Variants in CPLX4 observed in about 807,000 individuals in gnomAD.
CPLX4 encodes complexin-4.
CPLX4 carries 17 observed loss-of-function variants against 16.1 expected under a neutral mutation model. The ratio of observed to expected loss-of-function variants is 1.06; its 90% CI spans 0.72 to 1.59. CPLX4 has a LOEUF of 1.59. Ranked by LOEUF, CPLX4 falls within the 40% of genes most tolerant of loss-of-function variation. CPLX4 has a pLI of 0.00. For synonymous variants in CPLX4, 55 were observed against 57.8 expected, an observed-to-expected ratio of 0.95 and a Z score of 0.22; for missense variants, 193 against 192.9, an observed-to-expected ratio of 1.00 and a Z score of 0.00.
chr18:59,303,670 A>C (rs930946370), intron 2 of CPLX4, among the ~76,000 whole-genome samples: 1 of 152,142 alleles, frequency 6.6e-6, no homozygotes, highest in African/African-American at 2.4e-5. Context: ...AGGCGAAGTG[A>C]TATCTACCTA....
intron 2 of CPLX4, among the ~76,000 whole-genome samples, chr18:59,303,565 G>A (rs373552637): frequency 1.3e-5 from 2 of 152,128 alleles, no homozygotes; most frequent in Non-Finnish European, 2.9e-5. Context: ...TTGTGGGCTC[G>A]GATTGTCTCA....
intron 2 of CPLX4, among the ~76,000 whole-genome samples, chr18:59,311,760 G>A (rs2070618380): frequency 6.6e-6 from 1 of 152,128 alleles, no homozygotes; most frequent in African/African-American, 2.4e-5. Flanking sequence ...GCAAAGTGAT[G>A]GGCCCTCTGT....
Position 59,296,581 on chromosome 18 carries a change from C to T in CPLX4, c.*117G>A. 1 of 1,038,572 alleles carries T rather than the reference C, an allele frequency of 9.6e-7. No homozygotes were observed. The highest frequency in any genetic ancestry group is 1.4e-6 in the Non-Finnish European group (1 of 701,526). 64.3% of individuals were successfully genotyped at this position (1,038,572 alleles called of 1,614,324 possible). On this transcript the variant is annotated 3_prime_UTR_variant, in exon 3 of 3. Transcript: ENST00000299721. ...ACCAAATTATTGTCTGTCAATGGAT[C>T]ATCGTGGTTTTCCTAACTGTGTTCA...
intron 1 of CPLX4, among the ~76,000 whole-genome samples, chr18:59,313,725 T>C (rs1015178698): frequency 6.6e-6 from 1 of 152,222 alleles, no homozygotes; most frequent in Non-Finnish European, 1.5e-5. Context: ...TTGGTAGCCA[T>C]TGGCTGTCAT....
intron 1 of CPLX4, among the ~76,000 whole-genome samples, chr18:59,318,088 A>G (rs932460902): frequency 2.0e-5 from 3 of 152,138 alleles, no homozygotes; most frequent in African/African-American, 7.2e-5. Flanking sequence ...GTTCATTTCC[A>G]TTCATACATG....
chr18:59,314,541 C>A (rs565715506), intron 1 of CPLX4, among the ~76,000 whole-genome samples: 3 of 152,276 alleles, frequency 2.0e-5, no homozygotes, highest in East Asian at 1.9e-4. Flanking sequence ...AATGCACAAA[C>A]CTCTGAAGCA....
At chr18:59,312,310 G>A (rs1175408949) in intron 2 of CPLX4, among the ~76,000 whole-genome samples, 4 of 151,718 alleles carry the variant, frequency 2.6e-5, no homozygotes, top group African/African-American at 9.7e-5. Context: ...TAGAGGTTAA[G>A]TTAAAAACTG....
At chr18:59,305,951 G>C (rs2070574332) in intron 2 of CPLX4, among the ~76,000 whole-genome samples, 1 of 152,170 alleles carries the variant, frequency 6.6e-6, no homozygotes, top group Non-Finnish European at 1.5e-5. Context: ...AAGCTGAGGA[G>C]AGAGAGGGCT....
In CPLX4 at chr18:59,296,774, T is replaced by C. The variant is rs994537668; in HGVS notation, c.407A>G (p.Asp136Gly). 1.2e-6 allele frequency: 2 copies of C among 1,613,764 alleles called. No homozygotes were observed. The highest frequency in any genetic ancestry group is 1.7e-5 in the Admixed American group (1 of 59,972). Residue 136 changes from aspartate to glycine, a missense_variant, in exon 3 of 3, where the codon GAT (aspartate) becomes GGT (glycine). Coordinates refer to ENST00000299721, the MANE Select transcript of CPLX4 (RefSeq NM_181654.4). Reference sequence around the variant, plus strand: ...GGCCTGGGCTTTTTCTTTTATGGTATCCAAGTCCATGTTCTGGAGATTCTG... The same window carrying C: ...GGCCTGGGCTTTTTCTTTTATGGTACCCAAGTCCATGTTCTGGAGATTCTG... ...QIQNLQNMDL[D>G]TIKEKAQATF...
At position 59,296,594 on chromosome 18, in the gene CPLX4, C is replaced by G. The variant is rs770930522; in HGVS notation, c.*104G>C. On this transcript the variant is annotated 3_prime_UTR_variant, in exon 3 of 3. Transcript: ENST00000299721. ...CTGTCAATGGATCATCGTGGTTTTC[C>G]TAACTGTGTTCACTACATTAAAACA... 3.9e-6 allele frequency: 5 copies of G among 1,269,368 alleles called. No homozygotes were observed. The highest frequency in any genetic ancestry group is 2.7e-5 in the South Asian group (2 of 73,068). 78.6% of individuals were successfully genotyped at this position (1,269,368 alleles called of 1,614,324 possible).
In CPLX4 at chr18:59,318,615, A is replaced by G. The variant is rs923420757; in HGVS notation, c.-153T>C. ...CACAACCTCATCTATTCAAGGGCAT[A>G]CTGATAGAGAAGAGTGGTTTGTCGG... On this transcript the variant is annotated 5_prime_UTR_variant, in exon 1 of 3. Transcript: ENST00000299721. 5.2e-6 allele frequency: 7 copies of G among 1,342,508 alleles called. No individual in the cohort carries two copies. Among genetic ancestry groups the G allele is most frequent in the Non-Finnish European group, 6.8e-6 (7 of 1,024,018 alleles). 83.2% of individuals were successfully genotyped at this position (1,342,508 alleles called of 1,614,324 possible).
At chr18:59,301,854 T>G (rs557236740) in intron 2 of CPLX4, among the ~76,000 whole-genome samples, 4 of 152,366 alleles carry the variant, frequency 2.6e-5, no homozygotes, top group Admixed American at 2.6e-4. Context: ...ATGTTTCTGA[T>G]GTCCAATGGA....
chr18:59,313,894 T>C (rs2070634918), intron 1 of CPLX4, among the ~76,000 whole-genome samples: 2 of 152,236 alleles, frequency 1.3e-5, no homozygotes, highest in Non-Finnish European at 1.5e-5. Flanking sequence ...ATTCTACTTG[T>C]GGATCTGGTG....
chr18:59,312,604 A>G (rs1364888179), intron 2 of CPLX4, 81 bp downstream of exon 2: 7 of 578,970 alleles, frequency 1.2e-5, no homozygotes, highest in South Asian at 1.0e-4. Context: ...ATTCAGGAAC[A>G]TGATCCTTTG....
chr18:59,301,967 T>A (rs1227428402), intron 2 of CPLX4, among the ~76,000 whole-genome samples: 2 of 152,320 alleles, frequency 1.3e-5, no homozygotes, highest in East Asian at 3.9e-4. Flanking sequence ...GTTATGAATA[T>A]TTTAGAGGAA....
rs996802012 is a variant in CPLX4, at chr18:59,296,585, G to A, written c.*113C>T. 5.0e-5 allele frequency: 55 copies of A among 1,091,796 alleles called. No homozygotes were observed. Among genetic ancestry groups the A allele is most frequent in the Middle Eastern group, 2.0e-4 (1 of 5,044 alleles). The allele number at this position is 1,091,796 out of a possible 1,614,324, so 67.6% of individuals were successfully genotyped here. A position where few individuals can be genotyped will look rare whatever the true frequency, so the allele number is the denominator to read the frequency against. Reference sequence around the variant, plus strand: ...AATTATTGTCTGTCAATGGATCATCGTGGTTTTCCTAACTGTGTTCACTAC... The same window carrying A: ...AATTATTGTCTGTCAATGGATCATCATGGTTTTCCTAACTGTGTTCACTAC... On this transcript the variant is annotated 3_prime_UTR_variant, in exon 3 of 3. Transcript: ENST00000299721.
At chr18:59,302,252 T>G (rs1042669349) in intron 2 of CPLX4, among the ~76,000 whole-genome samples, 1 of 152,238 alleles carries the variant, frequency 6.6e-6, no homozygotes, top group East Asian at 1.9e-4. Flanking sequence ...AATCTTGGGT[T>G]GGGGAGACCA....
chr18:59,296,666 G>T lies in CPLX4; in HGVS notation c.*32C>A. On this transcript the variant is annotated 3_prime_UTR_variant, in exon 3 of 3. Transcript: ENST00000299721. ...CAAGAGAGTGGTCTTTTCCAAGGAT[G>T]GCTGGTTCCCTCCCTCCACCCCTCC... 1 of 1,606,414 alleles carries T rather than the reference G, an allele frequency of 6.2e-7. No homozygotes were observed. The highest frequency in any genetic ancestry group is 1.1e-5 in the South Asian group (1 of 90,222).
chr18:59,297,033 G>A, intron 2 of CPLX4, 108 bp from the exon 3 acceptor site: 2 of 1,472,970 alleles, frequency 1.4e-6, no homozygotes, highest in Non-Finnish European at 1.8e-6. Context: ...TACAGGAAGT[G>A]AGTGGCACTC....
Sources: allele counts gnomAD v4.1 joint callset (sites outside exome capture counted in the v4.1 genomes callset), GRCh38; gene constraint gnomAD v4.1.1; transcripts MANE v1.5; gene names NCBI Gene and HGNC (gene_info 2026-07-23, HGNC 2026-07-21).